The following SP1 variants were observed in gnomAD, a reference collection of about 807,000 sequenced individuals.
SP1 encodes the protein Sp1 transcription factor.
SP1 carries 6 observed loss-of-function variants against 66.3 expected under a neutral mutation model. That is an observed-to-expected ratio of 0.09 (90% confidence interval 0.05 to 0.18). The LOEUF is 0.18. Among genes scored for constraint, SP1 ranks in the 10% least tolerant of loss-of-function variants. SP1 has a pLI of 1.00. For missense variants in SP1, 848 were observed against 964.5 expected (o/e 0.88, Z 1.60); for synonymous variants, 417 against 360.8 (o/e 1.16, Z -1.77).
intron 3 of SP1, among the ~76,000 whole-genome samples, chr12:53,402,038 GTTT>G (rs1938619539): frequency 6.6e-6 from 1 of 152,132 alleles, no homozygotes; most frequent in South Asian, 2.1e-4. Context: ...GACCAGAAAA[GTTT>G]TTGCTCATTA....
In SP1 at chr12:53,383,401, C is replaced by G; in HGVS notation, c.1454C>G (p.Ala485Gly). The G allele has an allele frequency of 6.2e-7, 1 of 1,614,212 alleles. No homozygotes were observed. Among genetic ancestry groups the G allele is most frequent in the Non-Finnish European group, 8.5e-7 (1 of 1,180,034 alleles). ...QNPQAQTITL[A>G]PMQGVSLGQT... is the part of the protein sequence containing the mutation. ...CCACAAGCCCAAACAATCACCTTAG[C>G]CCCAATGCAGGGTGTTTCCTTGGGG... Residue 485 changes from alanine to glycine, a missense_variant, in exon 3 of 6, where the codon GCC becomes GGC. Ala to Gly is a moderately conservative substitution (Grantham distance 60, BLOSUM62 0). This residue lies in a region of SP1 where 606 missense variants were observed against 589.9 expected (regional missense o/e 1.03). Transcript: ENST00000327443.
At chr12:53,396,000 G>T (rs769239442) in intron 3 of SP1, among the ~76,000 whole-genome samples, 64 of 152,162 alleles carry the variant, frequency 4.2e-4, no homozygotes, top group African/African-American at 1.4e-3. Context: ...CACGCCTGTA[G>T]TCCCAGCTAC....
chr12:53,396,215 A>G (rs1272920932), intron 3 of SP1, among the ~76,000 whole-genome samples: 1 of 151,028 alleles, frequency 6.6e-6, no homozygotes, highest in African/African-American at 2.4e-5. Flanking sequence ...CGGGAGGCAG[A>G]GCTTACAGTG....
intron 3 of SP1, among the ~76,000 whole-genome samples, chr12:53,393,687 T>A (rs1295911704): frequency 6.6e-6 from 1 of 150,876 alleles, no homozygotes; most frequent in Non-Finnish European, 1.5e-5. Flanking sequence ...AACATCCGCC[T>A]CCTGGGTTCA....
intron 3 of SP1, among the ~76,000 whole-genome samples, chr12:53,401,490 C>G (rs911732664): frequency 6.7e-6 from 1 of 148,482 alleles, no homozygotes; most frequent in Admixed American, 6.7e-5. Flanking sequence ...TTTGAATGCT[C>G]TTATCTATTT....
intron 4 of SP1, among the ~76,000 whole-genome samples, chr12:53,407,974 C>T (rs1350676884): frequency 2.9e-5 from 4 of 136,520 alleles, no homozygotes; most frequent in Admixed American, 7.3e-5. Context: ...CATCCGGGTA[C>T]GGTGGCTCAC....
At chr12:53,383,949 C>T (rs1938166702) in intron 3 of SP1, among the ~76,000 whole-genome samples, 1 of 151,198 alleles carries the variant, frequency 6.6e-6, no homozygotes, top group African/African-American at 2.4e-5. Context: ...ACATTGTGGG[C>T]CTCATGTGGT....
At chr12:53,404,780 C>T (rs1170452069) in intron 3 of SP1, among the ~76,000 whole-genome samples, 3 of 151,872 alleles carry the variant, frequency 2.0e-5, no homozygotes, top group East Asian at 3.9e-4. Context: ...CAATCTTCCT[C>T]CCACCTTAGC....
chr12:53,407,526 T>C (rs1592572159), intron 4 of SP1, among the ~76,000 whole-genome samples: 1 of 149,524 alleles, frequency 6.7e-6, no homozygotes, highest in Non-Finnish European at 1.5e-5. Context: ...GGGTTTCACC[T>C]TGTTAGCCAG....
At chr12:53,396,192 A>G (rs1339273627) in intron 3 of SP1, among the ~76,000 whole-genome samples, 3 of 151,572 alleles carry the variant, frequency 2.0e-5, no homozygotes, top group African/African-American at 7.3e-5. Context: ...GAGGCAGGAG[A>G]ATGGCGTGAA....
In SP1 at chr12:53,399,680, A is replaced by T. The variant is rs1279980386; in HGVS notation, c.1676-6905A>T. ...AGATGGAGTTTCACTCTTGTTGCCC[A>T]GGCTGGAGTGCAGTGGCACGATCTC... is the stretch of plus-strand genomic sequence containing the variant. On this transcript the variant is annotated intron_variant, in intron 3 of 5. Coordinates refer to ENST00000327443, the MANE Select transcript of SP1 (RefSeq NM_138473.3). Among the ~76,000 whole-genome samples, 4 of 148,582 alleles carry T rather than the reference A, an allele frequency of 2.7e-5. No individual in the cohort carries two copies. In the East Asian group the frequency reaches 8.0e-4, roughly 30 times the overall value.
At position 53,414,808 on chromosome 12, in the gene SP1, T is replaced by C. The variant is rs536566608; in HGVS notation, c.*3568T>C. The C allele has an allele frequency of 2.6e-5, 4 of 152,770 alleles. No homozygotes were observed. Among genetic ancestry groups the C allele is most frequent in the South Asian group, 4.1e-4 (2 of 4,828 alleles). 9.5% of individuals were successfully genotyped at this position (152,770 alleles called of 1,614,324 possible). A position where few individuals can be genotyped will look rare whatever the true frequency, so the allele number is the denominator to read the frequency against. On this transcript the variant is annotated 3_prime_UTR_variant, in exon 6 of 6. Transcript: ENST00000327443. ...TGGGGTGCTAATCAGGCCCCTGTTA[T>C]GCTTAGGGGGAGCCCTGGTGCTACT...
chr12:53,385,733 T>C (rs543121053), intron 3 of SP1, among the ~76,000 whole-genome samples: 2 of 151,938 alleles, frequency 1.3e-5, no homozygotes, highest in South Asian at 2.1e-4. Context: ...ACCAATATGG[T>C]GAAACCCCGT....
At chr12:53,409,293 C>A in intron 4 of SP1, 69 bp from the exon 5 acceptor site, 1 of 1,286,956 alleles carries the variant, frequency 7.8e-7, no homozygotes, top group Non-Finnish European at 1.1e-6. Context: ...TGGGTGATTG[C>A]TGTTGATACT....
At position 53,398,772 on chromosome 12, in the gene SP1, A is replaced by G. The variant is rs140479934; in HGVS notation, c.1676-7813A>G. On this transcript the variant is annotated intron_variant, in intron 3 of 5. Coordinates refer to ENST00000327443, the MANE Select transcript of SP1 (RefSeq NM_138473.3). ...AAGATCTGTAGAACTTAAATTTGCA[A>G]ACTTCTTTTGAGGATGGGAAAAATA... 2.0e-5 allele frequency among the ~76,000 whole-genome samples: 3 copies of G among 152,312 alleles called. No homozygotes were observed. In the East Asian group the frequency reaches 5.8e-4, roughly 29 times the overall value.
intron 3 of SP1, among the ~76,000 whole-genome samples, chr12:53,402,455 C>T (rs1310124389): frequency 2.6e-5 from 4 of 151,534 alleles, no homozygotes; most frequent in Non-Finnish European, 1.5e-5. Context: ...AACTCCTGAC[C>T]TCATGATCCA....
chr12:53,380,384 A>C (rs1938054701), intron 1 of SP1, 86 bp downstream of exon 1: 3 of 1,189,362 alleles, frequency 2.5e-6, no homozygotes. Context: ...CCCGCCGTGA[A>C]GCGGGGGCGG....
rs1938051411 is a variant in SP1, at chr12:53,380,281, C to T, written c.-11C>T. 6.4e-7 allele frequency: 1 copy of T among 1,571,800 alleles called. No homozygotes were observed. Among genetic ancestry groups the T allele is most frequent in the East Asian group, 2.3e-5 (1 of 43,564 alleles). On this transcript the variant is annotated 5_prime_UTR_variant, in exon 1 of 6. Transcript: ENST00000327443. The stretch of plus-strand genomic sequence containing the variant: ...ACAGGACCCCCTTGAGCTTGTCCCT[C>T]AGCTGCCACCATGAGCGGTAAGGAT...
chr12:53,411,092 C>T lies in SP1; in HGVS notation c.2210C>T (p.Thr737Ile). Residue 737 changes from threonine (T) to isoleucine (I), a missense_variant, in exon 6 of 6, where the codon ACT becomes ATT. Thr to Ile is a moderately conservative substitution (Grantham distance 89, BLOSUM62 -1). This residue lies in a region of SP1 where 73 missense variants were observed against 91.9 expected (regional missense o/e 0.79). Coordinates refer to ENST00000327443, the MANE Select transcript of SP1 (RefSeq NM_138473.3). ...GGGGCAGGTTCAGAAGGCAGTGGCACTGCCACTCCTTCAGCCCTTATTACC... is the reference window on the plus strand; with the variant it reads ...GGGGCAGGTTCAGAAGGCAGTGGCATTGCCACTCCTTCAGCCCTTATTACC... ...DSGAGSEGSGTATPSALITTN... is the reference protein window; with the variant it reads ...DSGAGSEGSGIATPSALITTN... 1.2e-6 allele frequency: 2 copies of T among 1,614,186 alleles called. No individual in the cohort carries two copies. The highest frequency in any genetic ancestry group is 1.7e-6 in the Non-Finnish European group (2 of 1,180,008).
Sources: gnomAD v4.1 joint callset for allele counts (sites outside exome capture counted in the v4.1 genomes callset) on GRCh38, gnomAD v4.1.1 for gene constraint, gnomAD v4.1.1 regional missense constraint, MANE v1.5 for transcripts, NCBI Gene and HGNC (gene_info 2026-07-23, HGNC 2026-07-21) for gene names.